Variants in TMEM132D observed in about 807,000 individuals in gnomAD.
TMEM132D encodes the protein mature OL transmembrane protein.
In TMEM132D, 21 loss-of-function variants were observed where a neutral mutation model predicts 62.3. That is an observed-to-expected ratio of 0.34 (90% CI 0.24 to 0.49). The LOEUF is 0.49. Among genes scored for constraint, TMEM132D ranks in the 20% least tolerant of loss-of-function variants. The pLI is 0.99. For synonymous variants in TMEM132D, 621 were observed against 575.6 expected, an observed-to-expected ratio of 1.08 and a Z score of -1.13; for missense variants, 1,346 against 1,402.8, an observed-to-expected ratio of 0.96 and a Z score of 0.65.
At chr12:129,264,783 GA>G (rs1406478675) in intron 4 of TMEM132D, among the ~76,000 whole-genome samples, 6 of 152,308 alleles carry the variant, frequency 3.9e-5, no homozygotes, top group African/African-American at 1.4e-4. Flanking sequence ...GATGAGACTG[GA>G]GACTATTATT....
At chr12:129,718,366 C>T (rs183495298) in intron 1 of TMEM132D, among the ~76,000 whole-genome samples, 13 of 152,276 alleles carry the variant, frequency 8.5e-5, no homozygotes, top group African/African-American at 1.4e-4. Context: ...AGGGGGCTCC[C>T]CAGAGGACAT....
chr12:129,739,201 T>A (rs1388074237), intron 1 of TMEM132D, among the ~76,000 whole-genome samples: 2 of 152,186 alleles, frequency 1.3e-5, no homozygotes, highest in African/African-American at 2.4e-5. Flanking sequence ...CAGTCCTGCA[T>A]CCTGCCCTGC....
intron 3 of TMEM132D, among the ~76,000 whole-genome samples, chr12:129,468,336 T>C (rs1038997360): frequency 2.0e-5 from 3 of 152,178 alleles, no homozygotes; most frequent in Admixed American, 6.5e-5. Context: ...CTTTGTGCAC[T>C]GTGACAAATG....
At chr12:129,368,169 T>C (rs11060280) in intron 3 of TMEM132D, among the ~76,000 whole-genome samples, 11,857 of 152,272 alleles carry the variant, frequency 0.078, 564 homozygotes, top group Non-Finnish European at 0.099. Flanking sequence ...GTTATCTGTC[T>C]GGTGGCTCAA....
intron 2 of TMEM132D, among the ~76,000 whole-genome samples, chr12:129,695,445 G>A (rs1012331249): frequency 1.3e-5 from 2 of 152,274 alleles, no homozygotes; most frequent in Non-Finnish European, 2.9e-5. Flanking sequence ...AAGCCTGTCC[G>A]CCTCTCACTC....
chr12:129,824,151 A>G (rs186981819), intron 1 of TMEM132D, among the ~76,000 whole-genome samples: 1 of 152,302 alleles, frequency 6.6e-6, no homozygotes, highest in Admixed American at 6.5e-5. Flanking sequence ...CCACCAAAGC[A>G]TACAAGAAAC....
At chr12:129,775,808 C>T (rs1238885102) in intron 1 of TMEM132D, among the ~76,000 whole-genome samples, 2 of 152,128 alleles carry the variant, frequency 1.3e-5, no homozygotes, top group Non-Finnish European at 2.9e-5. Context: ...AAAATATGCA[C>T]CTGCCATAAT....
intron 5 of TMEM132D, among the ~76,000 whole-genome samples, chr12:129,116,273 G>A (rs1161957476): frequency 6.6e-6 from 1 of 152,134 alleles, no homozygotes; most frequent in Non-Finnish European, 1.5e-5. Context: ...GCACATAGAG[G>A]GAAATGATAC....
intron 3 of TMEM132D, among the ~76,000 whole-genome samples, chr12:129,440,478 TGGAG>T (rs1872908157): frequency 6.6e-6 from 1 of 152,130 alleles, no homozygotes; most frequent in African/African-American, 2.4e-5. Context: ...ATGTGGCGCG[TGGAG>T]GCAAATAAGA....
At chr12:129,250,519 G>T (rs901073371) in intron 4 of TMEM132D, among the ~76,000 whole-genome samples, 5 of 152,140 alleles carry the variant, frequency 3.3e-5, no homozygotes, top group African/African-American at 1.2e-4. Flanking sequence ...CTGTATCTCT[G>T]ACAAGGCTTT....
At chr12:129,383,146 C>T (rs1239737896) in intron 3 of TMEM132D, among the ~76,000 whole-genome samples, 11 of 152,182 alleles carry the variant, frequency 7.2e-5, no homozygotes, top group Admixed American at 7.2e-4. Flanking sequence ...TCTGAGCCGC[C>T]CACTGTCGTG....
intron 5 of TMEM132D, among the ~76,000 whole-genome samples, chr12:129,121,208 G>C (rs1593268187): frequency 6.6e-6 from 1 of 152,094 alleles, no homozygotes; most frequent in Admixed American, 6.5e-5. Flanking sequence ...CGATTCTCCT[G>C]CCTCAGCCTC....
At chr12:129,418,694 T>C (rs979928570) in intron 3 of TMEM132D, among the ~76,000 whole-genome samples, 3 of 152,040 alleles carry the variant, frequency 2.0e-5, no homozygotes, top group Admixed American at 1.3e-4. Flanking sequence ...AACCTGCACA[T>C]TCTGCACATG....
intron 2 of TMEM132D, among the ~76,000 whole-genome samples, chr12:129,607,568 C>G (rs2137148282): frequency 6.6e-6 from 1 of 152,264 alleles, no homozygotes; most frequent in Middle Eastern, 3.4e-3. Flanking sequence ...CAAAGACACT[C>G]TTACAGGCAG....
At chr12:129,699,728 A>C in intron 2 of TMEM132D, 82 bp downstream of exon 2, 1 of 1,543,912 alleles carries the variant, frequency 6.5e-7, no homozygotes. Flanking sequence ...GAGCGATAAC[A>C]CAGCTTTTCT....
chr12:129,624,926 C>T (rs1429900407), intron 2 of TMEM132D, among the ~76,000 whole-genome samples: 1 of 152,244 alleles, frequency 6.6e-6, no homozygotes, highest in Admixed American at 6.5e-5. Flanking sequence ...GGAGTCCCCT[C>T]CAGATGCCTC....
chr12:129,436,251 A>G (rs1872783864), intron 3 of TMEM132D, among the ~76,000 whole-genome samples: 2 of 152,188 alleles, frequency 1.3e-5, no homozygotes, highest in African/African-American at 2.4e-5. Context: ...TATCCAGACT[A>G]CTTTCCTACG....
intron 2 of TMEM132D, among the ~76,000 whole-genome samples, chr12:129,602,956 T>C (rs1005282016): frequency 6.6e-6 from 1 of 152,146 alleles, no homozygotes; most frequent in East Asian, 1.9e-4. Context: ...CCATTAGATC[T>C]TGTGATAACT....
chr12:129,792,042 G>A (rs1871415529), intron 1 of TMEM132D, among the ~76,000 whole-genome samples: 1 of 152,132 alleles, frequency 6.6e-6, no homozygotes, highest in Non-Finnish European at 1.5e-5. Context: ...GGGGATACGT[G>A]GATTGACATC....
Sources: allele counts gnomAD v4.1 joint callset (sites outside exome capture counted in the v4.1 genomes callset), GRCh38; gene constraint gnomAD v4.1.1; transcripts MANE v1.5; gene names NCBI Gene and HGNC (gene_info 2026-07-23, HGNC 2026-07-21).